Variants in SYN3 observed in about 807,000 individuals in gnomAD.
The protein encoded by SYN3 is synapsin-3.
In SYN3, 35 loss-of-function variants were observed where a neutral mutation model predicts 65.8. The ratio of observed to expected loss-of-function variants is 0.53; its 90% confidence interval spans 0.41 to 0.70. SYN3 has a LOEUF of 0.70. SYN3 is among the 30% of genes least tolerant of loss of function. The pLI is 0.00. For missense variants in SYN3, 680 were observed against 749.0 expected (o/e 0.91, Z 1.08); for synonymous variants, 270 against 292.9 (o/e 0.92, Z 0.80).
intron 1 of SYN3, among the ~76,000 whole-genome samples, chr22:33,034,532 C>T (rs2053817702): frequency 1.3e-5 from 2 of 151,992 alleles, no homozygotes; most frequent in African/African-American, 4.8e-5. Flanking sequence ...AGGGGTGAGC[C>T]ACCACGCTCG....
rs115119138 is a variant in SYN3 at position 32,750,959 on chromosome 22, C to T, written c.711+113956G>A. Among the ~76,000 whole-genome samples, 1,358 of 152,168 alleles carry T rather than the reference C, an allele frequency of 8.9e-3. 29 individuals are homozygous for T. Among genetic ancestry groups the T allele is most frequent in the African/African-American group, 0.031 (1,290 of 41,486 alleles). On this transcript the variant is annotated intron_variant, in intron 6 of 13. Transcript: ENST00000358763. Reference sequence around the variant, plus strand: ...AGGCCCATCAGACATCCAGGGGAGACACCTCATAGCAGTCTCTGATATGTG... The same window carrying T: ...AGGCCCATCAGACATCCAGGGGAGATACCTCATAGCAGTCTCTGATATGTG...
rs368631135 is a variant in SYN3 at position 32,938,494 on chromosome 22, C to A, written c.370-7013G>T. On this transcript the variant is annotated intron_variant, in intron 3 of 13. Coordinates refer to ENST00000358763, the MANE Select transcript of SYN3 (RefSeq NM_003490.4). ...GCAGTGAGCAGCAATCGCGCCACTGCACTCCAGCCTGGGCAACAGAGTGAG... is the reference window on the plus strand; with the variant it reads ...GCAGTGAGCAGCAATCGCGCCACTGAACTCCAGCCTGGGCAACAGAGTGAG... Among the ~76,000 whole-genome samples, 114 of 147,672 alleles carry A rather than the reference C, an allele frequency of 7.7e-4. 6 individuals carry two copies. The South Asian group carries it at 0.024, about 31-fold the overall frequency.
At chr22:32,798,296 G>T (rs924584754) in intron 6 of SYN3, among the ~76,000 whole-genome samples, 2 of 152,126 alleles carry the variant, frequency 1.3e-5, no homozygotes, top group African/African-American at 4.8e-5. Flanking sequence ...AAGCAGATAC[G>T]AGATCTGTGA....
At chr22:32,588,252 C>G (rs776321280) in intron 7 of SYN3, among the ~76,000 whole-genome samples, 37 of 152,164 alleles carry the variant, frequency 2.4e-4, no homozygotes, top group Non-Finnish European at 4.6e-4. Context: ...TGGCCTTGGG[C>G]AAGGCCCTTG....
chr22:32,964,419 TAAAAAAA>T (rs201659599), intron 3 of SYN3, among the ~76,000 whole-genome samples: 46 of 128,744 alleles, frequency 3.6e-4, no homozygotes, highest in African/African-American at 1.1e-3. Context: ...TAAAGTATAA[TAAAAAAA>T]AAAAAAAAAA....
At chr22:32,999,474 C>T (rs1251442976) in intron 2 of SYN3, among the ~76,000 whole-genome samples, 3 of 152,134 alleles carry the variant, frequency 2.0e-5, no homozygotes, top group Non-Finnish European at 2.9e-5. Context: ...CACTTGAGGT[C>T]AGGAGTTCGA....
intron 6 of SYN3, among the ~76,000 whole-genome samples, chr22:32,762,941 G>A (rs1865420495): frequency 6.6e-6 from 1 of 152,160 alleles, no homozygotes; most frequent in Non-Finnish European, 1.5e-5. Context: ...AGACACTTAG[G>A]AGCAAGGAAT....
At chr22:32,636,273 G>A (rs2059814011) in intron 6 of SYN3, among the ~76,000 whole-genome samples, 1 of 152,058 alleles carries the variant, frequency 6.6e-6, no homozygotes, top group African/African-American at 2.4e-5. Context: ...GTGGTGGCCA[G>A]TGCCTGTAGT....
intron 7 of SYN3, among the ~76,000 whole-genome samples, chr22:32,564,760 C>T (rs1418943743): frequency 1.5e-5 from 2 of 131,978 alleles, no homozygotes; most frequent in African/African-American, 5.8e-5. Context: ...ACCCAGTGCT[C>T]CCGCATTGTA....
intron 1 of SYN3, among the ~76,000 whole-genome samples, chr22:33,021,034 C>T (rs1171551819): frequency 2.6e-5 from 4 of 152,124 alleles, no homozygotes; most frequent in Non-Finnish European, 5.9e-5. Flanking sequence ...ATTATTATTC[C>T]GATTTTTTTT....
At chr22:33,007,258 A>T (rs572984930) in intron 1 of SYN3, among the ~76,000 whole-genome samples, 1 of 152,366 alleles carries the variant, frequency 6.6e-6, no homozygotes, top group African/African-American at 2.4e-5. Flanking sequence ...AATGATTCAA[A>T]ATTATAGGAA....
In SYN3 at chr22:32,543,038, G is replaced by A. The variant is rs979755645; in HGVS notation, c.775-1325C>T. On this transcript the variant is annotated intron_variant, in intron 7 of 13. Transcript: ENST00000358763. Reference sequence around the variant, plus strand: ...AGTGGCCGGGCACTAGGCGGTCCACGTGGGGTTGGTCTCGGCCACACCCCA... The same window carrying A: ...AGTGGCCGGGCACTAGGCGGTCCACATGGGGTTGGTCTCGGCCACACCCCA... Among the ~76,000 whole-genome samples, 16 of 152,162 alleles carry A rather than the reference G, an allele frequency of 1.1e-4. No homozygotes were observed. In the South Asian group the frequency reaches 2.5e-3, roughly 24 times the overall value.
intron 10 of SYN3, chr22:32,530,350 A>G (rs2058048298): frequency 6.6e-6 from 1 of 152,288 alleles, no homozygotes; most frequent in Non-Finnish European, 1.5e-5. Context: ...AGGCAGTACT[A>G]TTATCCTCAT....
At chr22:32,948,280 G>T (rs1011721097) in intron 3 of SYN3, among the ~76,000 whole-genome samples, 1 of 152,110 alleles carries the variant, frequency 6.6e-6, no homozygotes, top group Non-Finnish European at 1.5e-5. Context: ...ATTTTCATAG[G>T]TTCCAGGGAC....
At chr22:32,957,048 G>A (rs1048433178) in intron 3 of SYN3, among the ~76,000 whole-genome samples, 2 of 152,204 alleles carry the variant, frequency 1.3e-5, no homozygotes, top group Non-Finnish European at 2.9e-5. Context: ...AGGCTAATCA[G>A]GAAGGGCCCT....
At chr22:32,915,645 T>G (rs1363450976) in intron 4 of SYN3, among the ~76,000 whole-genome samples, 2 of 152,122 alleles carry the variant, frequency 1.3e-5, no homozygotes, top group African/African-American at 4.8e-5. Context: ...ATGCTTGACC[T>G]ACACAGAACA....
At chr22:33,054,917 A>G (rs1214942796) in intron 1 of SYN3, among the ~76,000 whole-genome samples, 3 of 152,202 alleles carry the variant, frequency 2.0e-5, no homozygotes, top group Non-Finnish European at 4.4e-5. Flanking sequence ...CTGCATTTAA[A>G]GTATCAGCAA....
At chr22:32,611,333 G>A (rs1035797260) in intron 6 of SYN3, among the ~76,000 whole-genome samples, 3 of 118,168 alleles carry the variant, frequency 2.5e-5, no homozygotes, top group African/African-American at 9.9e-5. Context: ...TCGCCCTGTT[G>A]CCCAGGCTGG....
intron 7 of SYN3, among the ~76,000 whole-genome samples, chr22:32,544,551 C>G (rs2213404): frequency 6.6e-6 from 1 of 152,160 alleles, no homozygotes; most frequent in Non-Finnish European, 1.5e-5. Context: ...CCTTGCCCTG[C>G]GTTGACCCTC....
Sources: allele counts gnomAD v4.1 joint callset (sites outside exome capture counted in the v4.1 genomes callset), GRCh38; gene constraint gnomAD v4.1.1; transcripts MANE v1.5; gene names NCBI Gene and HGNC (gene_info 2026-07-23, HGNC 2026-07-21).